Variants in CRACDL observed in about 807,000 individuals in gnomAD.
CRACDL encodes CRACD-like protein.
Under a neutral mutation model 70.6 loss-of-function variants are expected in CRACDL, and 26 were observed. The ratio of observed to expected loss-of-function variants is 0.37; its 90% CI spans 0.27 to 0.51. CRACDL has a LOEUF of 0.51. Ranked by LOEUF, CRACDL falls within the 20% of genes least tolerant of loss-of-function variation. CRACDL has a pLI of 0.94. For missense variants in CRACDL, 1,283 were observed against 1,376.9 expected, an observed-to-expected ratio of 0.93 and a Z score of 1.08; for synonymous variants, 618 against 615.2, an observed-to-expected ratio of 1.00 and a Z score of -0.07.
chr2:98,927,157 G>A (rs890135847), intron 1 of CRACDL, among the ~76,000 whole-genome samples: 8 of 152,226 alleles, frequency 5.3e-5, no homozygotes, highest in Non-Finnish European at 7.3e-5. Context: ...TTTCCCCTGT[G>A]GACGGAGGTG....
At chr2:98,881,006 T>C (rs879621157) in intron 1 of CRACDL, among the ~76,000 whole-genome samples, 4 of 152,144 alleles carry the variant, frequency 2.6e-5, no homozygotes, top group Non-Finnish European at 5.9e-5. Flanking sequence ...CCTTCCACTC[T>C]CAGGATGGCT....
intron 7 of CRACDL, among the ~76,000 whole-genome samples, chr2:98,818,776 T>G (rs1475604182): frequency 6.6e-6 from 1 of 152,154 alleles, no homozygotes. Flanking sequence ...ACTGCTGGGG[T>G]CTGACAGCGC....
chr2:98,871,509 T>C (rs12616060), intron 1 of CRACDL, among the ~76,000 whole-genome samples: 7,222 of 152,238 alleles, frequency 0.047, 318 homozygotes, highest in South Asian at 0.17. Context: ...GGCCTGTGCC[T>C]CCGCAAGTGT....
Position 98,911,898 on chromosome 2 carries a change from G to A in CRACDL, c.-11+24040C>T, listed in dbSNP as rs143562696. ...GGGAAACCCACAAAGGTAACATGAT[G>A]TGCCCATACCACATACCACAGCCTC... On this transcript the variant is annotated intron_variant, in intron 1 of 9. Transcript: ENST00000397899. 7.5e-4 allele frequency among the ~76,000 whole-genome samples: 114 copies of A among 152,338 alleles called. 1 individual carries two copies. The highest frequency in any genetic ancestry group is 2.6e-3 in the African/African-American group (109 of 41,572).
At chr2:98,820,818 G>A (rs1559211322) in intron 7 of CRACDL, among the ~76,000 whole-genome samples, 1 of 152,202 alleles carries the variant, frequency 6.6e-6, no homozygotes, top group African/African-American at 2.4e-5. Flanking sequence ...ACAGACTTGT[G>A]ATTCCAATAT....
At chr2:98,912,834 T>C (rs889040084) in intron 1 of CRACDL, 6 of 152,262 alleles carry the variant, frequency 3.9e-5, no homozygotes, top group African/African-American at 1.4e-4. Context: ...GGTCCGTCCT[T>C]GGGCCTGACG....
At chr2:98,844,163 G>GTC (rs1706150677) in intron 2 of CRACDL, among the ~76,000 whole-genome samples, 1 of 152,140 alleles carries the variant, frequency 6.6e-6, no homozygotes, top group Admixed American at 6.6e-5. Context: ...GTATATTTGT[G>GTC]TAACAGTTCT....
At chr2:98,895,587 G>A (rs760580398) in intron 1 of CRACDL, among the ~76,000 whole-genome samples, 17 of 152,162 alleles carry the variant, frequency 1.1e-4, no homozygotes, top group Non-Finnish European at 2.1e-4. Context: ...TTAGGGTGGG[G>A]AAGGGAACTA....
chr2:98,909,290 C>T (rs758254363), intron 1 of CRACDL, among the ~76,000 whole-genome samples: 11 of 152,314 alleles, frequency 7.2e-5, no homozygotes, highest in Non-Finnish European at 8.8e-5. Context: ...TCAAGGGGAA[C>T]TTATTTGTTC....
At chr2:98,837,921 C>T (rs982773827) in intron 3 of CRACDL, among the ~76,000 whole-genome samples, 198 bp downstream of exon 3, 1 of 152,134 alleles carries the variant, frequency 6.6e-6, no homozygotes, top group African/African-American at 2.4e-5. Context: ...ACCTCCTCTC[C>T]CACAGTTATT....
chr2:98,866,418 G>A (rs930328799), intron 1 of CRACDL, among the ~76,000 whole-genome samples: 2 of 148,472 alleles, frequency 1.3e-5, no homozygotes, highest in South Asian at 4.4e-4. Context: ...GAATGAATGA[G>A]CAAATGATCC....
intron 1 of CRACDL, among the ~76,000 whole-genome samples, chr2:98,891,733 C>T (rs1319650432): frequency 6.6e-6 from 1 of 152,016 alleles, no homozygotes; most frequent in Non-Finnish European, 1.5e-5. Context: ...AAGTATGTGA[C>T]TTTCTATTTT....
In CRACDL at chr2:98,902,607, G is replaced by A. The variant is rs912347875; in HGVS notation, c.-11+33331C>T. On this transcript the variant is annotated intron_variant, in intron 1 of 9. Coordinates refer to ENST00000397899, the MANE Select transcript of CRACDL (RefSeq NM_207362.3). ...GGCTTCAAAGTAGTATAAAATGAGCGTAGGTGGGGATCGCTGGCTACTGCC... is the reference window on the plus strand; with the variant it reads ...GGCTTCAAAGTAGTATAAAATGAGCATAGGTGGGGATCGCTGGCTACTGCC... Among the ~76,000 whole-genome samples the A allele has an allele frequency of 4.6e-5, 7 of 152,102 alleles. No homozygotes were observed. In the East Asian group the frequency reaches 5.8e-4, roughly 13 times the overall value.
At chr2:98,881,691 G>T (rs892438907) in intron 1 of CRACDL, among the ~76,000 whole-genome samples, 1 of 152,182 alleles carries the variant, frequency 6.6e-6, no homozygotes, top group African/African-American at 2.4e-5. Context: ...CAAGGACAAG[G>T]AGCTGCCACA....
At chr2:98,920,441 C>A (rs1376688903) in intron 1 of CRACDL, among the ~76,000 whole-genome samples, 1 of 152,192 alleles carries the variant, frequency 6.6e-6, no homozygotes, top group Non-Finnish European at 1.5e-5. Context: ...AAAGCCTTCA[C>A]TGAGCGGTCA....
intron 1 of CRACDL, among the ~76,000 whole-genome samples, chr2:98,871,089 C>T (rs945110197): frequency 2.6e-5 from 4 of 152,374 alleles, no homozygotes; most frequent in Non-Finnish European, 5.9e-5. Context: ...CATGTTACCT[C>T]TCTGCTCAAA....
chr2:98,863,002 T>TGTGTGTGTATGTATAAA (rs1379023339), intron 1 of CRACDL, among the ~76,000 whole-genome samples: 1 of 152,058 alleles, frequency 6.6e-6, no homozygotes, highest in East Asian at 1.9e-4. Context: ...TATGTGTTTA[T>TGTGTGTGTATGTATAAA]ACATACACAC....
intron 1 of CRACDL, among the ~76,000 whole-genome samples, chr2:98,916,404 T>C (rs939846220): frequency 6.6e-5 from 10 of 152,184 alleles, no homozygotes; most frequent in Admixed American, 6.5e-4. Context: ...ACTATCTTGA[T>C]CATGGTGTTG....
At chr2:98,797,296 C>T in intron 8 of CRACDL, 54 bp downstream of exon 8, 1 of 1,563,150 alleles carries the variant, frequency 6.4e-7, no homozygotes, top group African/African-American at 1.3e-5. Context: ...CGCCCCAGTC[C>T]CAGCTGGCTG....
Sources: gnomAD v4.1 joint callset for allele counts (sites outside exome capture counted in the v4.1 genomes callset) on GRCh38, gnomAD v4.1.1 for gene constraint, MANE v1.5 for transcripts, NCBI Gene and HGNC (gene_info 2026-07-23, HGNC 2026-07-21) for gene names.